Variants in GHR observed in about 807,000 individuals in gnomAD.
The protein encoded by GHR is GH receptor.
A neutral mutation model predicts 67.1 loss-of-function variants in GHR; 35 were observed. The ratio of observed to expected loss-of-function variants is 0.52; its 90% CI spans 0.40 to 0.69. The LOEUF (loss-of-function observed/expected upper bound fraction) is 0.69, where lower values mean the gene tolerates loss of function less well. Ranked by LOEUF, GHR falls within the 30% of genes least tolerant of loss-of-function variation. The pLI is 0.00. For missense variants in GHR, 792 were observed against 764.6 expected, an observed-to-expected ratio of 1.04 and a Z score of -0.42; for synonymous variants, 272 against 269.1, an observed-to-expected ratio of 1.01 and a Z score of -0.10.
chr5:42,635,652 C>CT (rs1006537973), intron 3 of GHR, among the ~76,000 whole-genome samples: 7 of 152,040 alleles, frequency 4.6e-5, no homozygotes, highest in African/African-American at 1.7e-4. Context: ...TTGGTCTTAA[C>CT]TTTTTTATCC....
intron 3 of GHR, among the ~76,000 whole-genome samples, chr5:42,634,120 C>A (rs1486736099): frequency 6.6e-6 from 1 of 151,732 alleles, no homozygotes; most frequent in Non-Finnish European, 1.5e-5. Context: ...ATTTTATGAT[C>A]TCTTTGTCTT....
At chr5:42,685,791 G>T (rs1209258797) in intron 3 of GHR, among the ~76,000 whole-genome samples, 7 of 151,674 alleles carry the variant, frequency 4.6e-5, no homozygotes, top group East Asian at 3.9e-4. Context: ...TGATGGGGTT[G>T]TTTTTTTTCT....
At chr5:42,427,326 G>T (rs1255877792) in intron 1 of GHR, among the ~76,000 whole-genome samples, 2 of 152,212 alleles carry the variant, frequency 1.3e-5, no homozygotes, top group African/African-American at 2.4e-5. Context: ...GGAAGGTGAA[G>T]GAGGAGCAAA....
At chr5:42,634,494 G>A (rs895256685) in intron 3 of GHR, among the ~76,000 whole-genome samples, 1 of 150,632 alleles carries the variant, frequency 6.6e-6, no homozygotes, top group African/African-American at 2.5e-5. Context: ...CATATGCTGA[G>A]TATTTCACGG....
chr5:42,463,314 G>A (rs1744566070), intron 1 of GHR, among the ~76,000 whole-genome samples: 1 of 152,188 alleles, frequency 6.6e-6, no homozygotes, highest in Admixed American at 6.5e-5. Flanking sequence ...TACGACTTCA[G>A]GGAAAATGTT....
chr5:42,428,806 A>G (rs751146870), intron 1 of GHR, among the ~76,000 whole-genome samples: 2 of 152,190 alleles, frequency 1.3e-5, no homozygotes, highest in African/African-American at 4.8e-5. Flanking sequence ...TTTATTGTCC[A>G]TATCACTATA....
At chr5:42,474,329 G>GA (rs1745189019) in intron 1 of GHR, among the ~76,000 whole-genome samples, 2 of 146,422 alleles carry the variant, frequency 1.4e-5, no homozygotes, top group Non-Finnish European at 1.5e-5. Context: ...AAGAAAGAAA[G>GA]AAAGAAAGAA....
intron 6 of GHR, among the ~76,000 whole-genome samples, chr5:42,710,240 C>G (rs1758388288): frequency 6.6e-6 from 1 of 151,970 alleles, no homozygotes; most frequent in Admixed American, 6.6e-5. Context: ...AAAAGAAAAA[C>G]TTGTTTTAGA....
At chr5:42,620,421 C>T (rs891418949) in intron 2 of GHR, among the ~76,000 whole-genome samples, 3 of 152,142 alleles carry the variant, frequency 2.0e-5, no homozygotes, top group Non-Finnish European at 4.4e-5. Flanking sequence ...TCCTTACCTT[C>T]AGACTTCAAG....
At chr5:42,662,303 T>C (rs922663863) in intron 3 of GHR, among the ~76,000 whole-genome samples, 3 of 152,154 alleles carry the variant, frequency 2.0e-5, no homozygotes, top group Admixed American at 2.0e-4. Flanking sequence ...AGAATATACA[T>C]TTTTTTCAGC....
chr5:42,694,379 A>T (rs532589130), intron 4 of GHR, among the ~76,000 whole-genome samples: 34 of 152,284 alleles, frequency 2.2e-4, no homozygotes, highest in African/African-American at 8.2e-4. Flanking sequence ...TTAGCCTGAA[A>T]TTAGGGGACC....
chr5:42,433,135 T>C (rs558993922), intron 1 of GHR, among the ~76,000 whole-genome samples: 1 of 152,330 alleles, frequency 6.6e-6, no homozygotes, highest in South Asian at 2.1e-4. Flanking sequence ...TGGATATATG[T>C]TTCACATTTT....
chr5:42,443,726 C>T (rs2111966481), intron 1 of GHR, among the ~76,000 whole-genome samples: 1 of 152,186 alleles, frequency 6.6e-6, no homozygotes, highest in East Asian at 1.9e-4. Context: ...CAGAGAAGAG[C>T]TCATGTTGCA....
At chr5:42,494,363 T>C (rs568253840) in intron 1 of GHR, among the ~76,000 whole-genome samples, 6 of 152,178 alleles carry the variant, frequency 3.9e-5, no homozygotes, top group African/African-American at 1.4e-4. Flanking sequence ...TAAGAAGTAA[T>C]GAAGTCCTAG....
intron 1 of GHR, among the ~76,000 whole-genome samples, chr5:42,491,936 A>G (rs1165100182): frequency 6.6e-6 from 1 of 152,204 alleles, no homozygotes; most frequent in Non-Finnish European, 1.5e-5. Context: ...ATCAGCCTGG[A>G]TATGGAGACC....
chr5:42,688,893 C>T lies in GHR; in HGVS notation c.140C>T (p.Ser47Phe). 2 of 1,613,776 alleles carry T rather than the reference C, an allele frequency of 1.2e-6. No individual in the cohort carries two copies. Among genetic ancestry groups the T allele is most frequent in the Non-Finnish European group, 1.7e-6 (2 of 1,179,738 alleles). Residue 47 changes from serine (S) to phenylalanine (F), a missense_variant, in exon 4 of 10, where the codon TCT becomes TTT. Physicochemically the swap from Ser to Phe is radical, Grantham distance 155. Coordinates refer to ENST00000230882, the MANE Select transcript of GHR (RefSeq NM_000163.5). ...GCCTTTTCTTTTTATTCTGCAGATTCTTCTAAGGAGCCTAAATTCACCAAG... is the reference window on the plus strand; with the variant it reads ...GCCTTTTCTTTTTATTCTGCAGATTTTTCTAAGGAGCCTAAATTCACCAAG... ...QSVNPGLKTN[S>F]SKEPKFTKCR...
chr5:42,591,355 C>G (rs1380258037), intron 2 of GHR, among the ~76,000 whole-genome samples: 1 of 152,210 alleles, frequency 6.6e-6, no homozygotes, highest in Non-Finnish European at 1.5e-5. Flanking sequence ...GGATCTTGTT[C>G]TGTCATTCTC....
intron 2 of GHR, among the ~76,000 whole-genome samples, chr5:42,624,396 A>C (rs1398069568): frequency 2.0e-5 from 3 of 152,146 alleles, no homozygotes; most frequent in African/African-American, 7.2e-5. Flanking sequence ...GTCATCCATT[A>C]GTTTTCTCAG....
intron 1 of GHR, among the ~76,000 whole-genome samples, chr5:42,485,503 A>C (rs553640738): frequency 2.6e-4 from 39 of 152,344 alleles, no homozygotes; most frequent in African/African-American, 9.1e-4. Flanking sequence ...ACAGATGAGA[A>C]AAATGAGCTC....
Sources: allele counts gnomAD v4.1 joint callset (sites outside exome capture counted in the v4.1 genomes callset), GRCh38; gene constraint gnomAD v4.1.1; transcripts MANE v1.5; gene names NCBI Gene and HGNC (gene_info 2026-07-23, HGNC 2026-07-21).